The following TXLNG variants were observed in gnomAD, a reference collection of about 807,000 sequenced individuals.
TXLNG encodes the protein taxilin gamma.
A neutral mutation model predicts 38.8 loss-of-function variants in TXLNG; 5 were observed. That is an observed-to-expected ratio of 0.13 (90% CI 0.07 to 0.27). The LOEUF is 0.27. Among genes scored for constraint, TXLNG ranks in the 10% least tolerant of loss-of-function variants. TXLNG has a pLI of 1.00. For missense variants in TXLNG, 393 were observed against 398.2 expected (o/e 0.99, Z 0.11); for synonymous variants, 182 against 158.2 (o/e 1.15, Z -1.13).
rs1327336441 is a variant in TXLNG at position 16,841,783 on chromosome X, T to C, written c.*17T>C. ...GTTGACTAAGATGAGGTGTGATCAC[T>C]GTATTGAGAGATATATTTTGTGTAT... On this transcript the variant is annotated 3_prime_UTR_variant, in exon 10 of 10. Coordinates refer to ENST00000380122, the MANE Select transcript of TXLNG (RefSeq NM_018360.3). 1 of 1,176,016 alleles carries C rather than the reference T, an allele frequency of 8.5e-7. No individual in the cohort carries two copies. The highest frequency in any genetic ancestry group is 1.8e-5 in the African/African-American group (1 of 56,187).
chrX:16,816,600 G>GT (rs1428666036), intron 1 of TXLNG, among the ~76,000 whole-genome samples: 1 of 112,394 alleles, frequency 8.9e-6, no homozygotes, highest in African/African-American at 3.2e-5. Context: ...GTATTTGTAA[G>GT]TTTTTTCTAT....
At chrX:16,809,000 C>T (rs1928418216) in intron 1 of TXLNG, among the ~76,000 whole-genome samples, 1 of 111,969 alleles carries the variant, frequency 8.9e-6, no homozygotes, top group African/African-American at 3.2e-5. Flanking sequence ...TACTAAACAT[C>T]AATTTTGCCA....
intron 9 of TXLNG, 194 bp downstream of exon 9, chrX:16,840,110 C>T: frequency 5.8e-6 from 2 of 346,245 alleles, no homozygotes; most frequent in Non-Finnish European, 1.0e-5. Context: ...AGGTTAGGGA[C>T]AGGGCCCTGA....
rs144623388 is a variant in TXLNG at position 16,813,808 on chromosome X, C to T, written c.103-4766C>T. Among the ~76,000 whole-genome samples the T allele has an allele frequency of 7.6e-3, 842 of 110,770 alleles. 5 individuals are homozygous for T. Among genetic ancestry groups the T allele is most frequent in the African/African-American group, 0.025 (752 of 30,452 alleles). On this transcript the variant is annotated intron_variant, in intron 1 of 9. Coordinates refer to ENST00000380122, the MANE Select transcript of TXLNG (RefSeq NM_018360.3). ...CATAGCAGAAATAGTCATAATTGGC[C>T]GGGCGCCGTGGCTCACGCCTGTAAT...
chrX:16,795,483 CCCGGAT>C (rs1927851302), intron 1 of TXLNG, among the ~76,000 whole-genome samples: 1 of 111,889 alleles, frequency 8.9e-6, no homozygotes, highest in Non-Finnish European at 1.9e-5. Context: ...GTAGACCTTT[CCCGGAT>C]CCTTTTACTC....
At chrX:16,813,523 C>G (rs1424264017) in intron 1 of TXLNG, among the ~76,000 whole-genome samples, 1 of 108,180 alleles carries the variant, frequency 9.2e-6, no homozygotes, top group Non-Finnish European at 1.9e-5. Flanking sequence ...TGGCACATAC[C>G]TGTAATCTCA....
intron 1 of TXLNG, among the ~76,000 whole-genome samples, chrX:16,799,827 T>G (rs1928020880): frequency 8.9e-6 from 1 of 112,255 alleles, no homozygotes. Flanking sequence ...ATTCCTTTTT[T>G]TCACTCAGAA....
In TXLNG at chrX:16,843,726, A is replaced by T. The variant is rs1426313261; in HGVS notation, c.*1960A>T. ...AGATTGTAAATCTTGGGCCTGTTGC[A>T]TACTTCCAAGGGCTTTAAAGCAATG... On this transcript the variant is annotated 3_prime_UTR_variant, in exon 10 of 10. Coordinates refer to ENST00000380122, the MANE Select transcript of TXLNG (RefSeq NM_018360.3). The T allele has an allele frequency of 8.9e-6, 1 of 112,072 alleles. No homozygotes were observed. The highest frequency in any genetic ancestry group is 9.5e-5 in the Admixed American group (1 of 10,573). The allele number at this position is 112,072 out of a possible 1,213,427, so 9.2% of individuals were successfully genotyped here.
rs766369445 is a variant in TXLNG at position 16,815,602 on chromosome X, A to C, written c.103-2972A>C. ...AGTGGTGCGATCTCAGCTCACTGCAACCTCCGCTTCCCGGGTTCAAGCGAT... is the reference window on the plus strand; with the variant it reads ...AGTGGTGCGATCTCAGCTCACTGCACCCTCCGCTTCCCGGGTTCAAGCGAT... On this transcript the variant is annotated intron_variant, in intron 1 of 9. Coordinates refer to ENST00000380122, the MANE Select transcript of TXLNG (RefSeq NM_018360.3). Among the ~76,000 whole-genome samples the C allele has an allele frequency of 7.3e-5, 8 of 109,187 alleles. No individual in the cohort carries two copies. The South Asian group carries it at 2.0e-3, about 27-fold the overall frequency. 94.8% of individuals were successfully genotyped at this position (109,187 alleles called of 115,157 possible).
intron 1 of TXLNG, among the ~76,000 whole-genome samples, chrX:16,801,464 G>A (rs1174384727): frequency 8.9e-6 from 1 of 112,144 alleles, no homozygotes; most frequent in Non-Finnish European, 1.9e-5. Flanking sequence ...GGGATTGCAG[G>A]CGTGGGTCAC....
intron 1 of TXLNG, among the ~76,000 whole-genome samples, chrX:16,818,161 G>A (rs1015491513): frequency 1.8e-5 from 2 of 111,004 alleles, no homozygotes; most frequent in Admixed American, 9.6e-5. Flanking sequence ...AGGAACTTGG[G>A]GGAGCATGGG....
At chrX:16,803,541 G>A (rs1485000130) in intron 1 of TXLNG, among the ~76,000 whole-genome samples, 1 of 104,168 alleles carries the variant, frequency 9.6e-6, no homozygotes, top group Non-Finnish European at 2.0e-5. Context: ...ATTTTTAGTA[G>A]AAACGGGGTT....
intron 1 of TXLNG, among the ~76,000 whole-genome samples, chrX:16,816,593 T>C: frequency 8.9e-6 from 1 of 112,597 alleles, no homozygotes; most frequent in Non-Finnish European, 1.9e-5. Flanking sequence ...AGTTTCAGTA[T>C]TTGTAAGTTT....
chrX:16,822,182 C>CA lies in TXLNG; in HGVS notation c.498+1936dup, dbSNP rs753707371. ...TGAAACCCCGTCTTTACTAAAAATA[C>CA]AAAAAAAAATTAGCCGGGTGTGGTG... On this transcript the variant is annotated intron_variant, in intron 3 of 9. Transcript: ENST00000380122. 6.5e-3 allele frequency among the ~76,000 whole-genome samples: 668 copies of CA among 102,097 alleles called. 6 individuals are homozygous for CA. Among genetic ancestry groups the CA allele is most frequent in the African/African-American group, 0.021 (590 of 27,884 alleles). The allele number at this position is 102,097 out of a possible 115,157, so 88.7% of individuals were successfully genotyped here.
chrX:16,793,339 T>C (rs750482880), intron 1 of TXLNG, among the ~76,000 whole-genome samples: 344 of 111,751 alleles, frequency 3.1e-3, no homozygotes, highest in Non-Finnish European at 5.1e-3. Flanking sequence ...GTTTTCCTCC[T>C]ATGCTATCAA....
chrX:16,786,491 G>T lies in TXLNG; in HGVS notation c.4G>T (p.Ala2Ser). 1 of 1,118,620 alleles carries T rather than the reference G, an allele frequency of 8.9e-7. No individual in the cohort carries two copies. The allele number at this position is 1,118,620 out of a possible 1,213,427, so 92.2% of individuals were successfully genotyped here. Residue 2 changes from alanine (A) to serine (S), a missense_variant, in exon 1 of 10, where the codon GCG becomes TCG. Transcript: ENST00000380122. ...GTTTGGCTGCTGCCGTCACCTCATG[G>T]CGACGCGGGTAGAGGAGGCAGCGCG... Reference protein sequence around the residue: MATRVEEAARGR... With the variant: MSTRVEEAARGR...
chrX:16,840,677 CAGG>C (rs985631172), intron 9 of TXLNG: 7 of 114,926 alleles, frequency 6.1e-5, no homozygotes, highest in African/African-American at 9.8e-5. Flanking sequence ...GAGGCTGAGG[CAGG>C]AGAATTGCTT....
At chrX:16,816,965 C>T (rs1378401700) in intron 1 of TXLNG, among the ~76,000 whole-genome samples, 1 of 111,908 alleles carries the variant, frequency 8.9e-6, no homozygotes, top group Non-Finnish European at 1.9e-5. Context: ...CAGGAGGCCC[C>T]ACCCCCAATG....
intron 9 of TXLNG, among the ~76,000 whole-genome samples, chrX:16,840,245 G>A (rs1041090075): frequency 1.8e-5 from 2 of 112,077 alleles, no homozygotes; most frequent in Admixed American, 1.9e-4. Flanking sequence ...TGCATCAGAC[G>A]CCTGCTTGTT....
Sources: allele counts gnomAD v4.1 joint callset (sites outside exome capture counted in the v4.1 genomes callset), GRCh38; gene constraint gnomAD v4.1.1; transcripts MANE v1.5; gene names NCBI Gene and HGNC (gene_info 2026-07-23, HGNC 2026-07-21).